Variants in NOLC1 observed in about 807,000 individuals in gnomAD.
The protein encoded by NOLC1 is nucleolar and coiled-body phosphoprotein 1, also known as 140 kDa nucleolar phosphoprotein.
NOLC1 carries 37 observed loss-of-function variants against 73.4 expected under a neutral mutation model. That is an observed-to-expected ratio of 0.50 (90% confidence interval 0.39 to 0.66). NOLC1 has a LOEUF of 0.66. NOLC1 is among the 30% of genes least tolerant of loss of function. The pLI is 0.00. For missense variants in NOLC1, 921 were observed against 838.9 expected, an observed-to-expected ratio of 1.10 and a Z score of -1.21; for synonymous variants, 327 against 302.6, an observed-to-expected ratio of 1.08 and a Z score of -0.84.
rs548669059 is a variant in NOLC1 at position 102,152,641 on chromosome 10, C to T, written c.120+111C>T. ...GTCTGGGGGTCCGCCAGTCCAGTGT[C>T]TGCAAGGCCTTTACGCCGACCCCTC... On this transcript the variant is annotated intron_variant, in intron 1 of 12. Transcript: ENST00000605788. 27 of 1,481,196 alleles carry T rather than the reference C, an allele frequency of 1.8e-5. No individual in the cohort carries two copies. In the South Asian group the frequency reaches 3.1e-4, roughly 17 times the overall value. The allele number at this position is 1,481,196 out of a possible 1,614,324, so 91.8% of individuals were successfully genotyped here. A position where few individuals can be genotyped will look rare whatever the true frequency, so the allele number is the denominator to read the frequency against.
Position 102,157,440 on chromosome 10 carries a change from C to T in NOLC1, c.326C>T (p.Ala109Val), listed in dbSNP as rs768199941. 3.1e-6 allele frequency: 5 copies of T among 1,614,118 alleles called. No homozygotes were observed. Among genetic ancestry groups the T allele is most frequent in the Non-Finnish European group, 4.2e-6 (5 of 1,180,000 alleles). The change falls in exon 4 of 13, where the codon GCC becomes GTC. Residue 109 changes from alanine (A) to valine (V), a missense_variant. Coordinates refer to ENST00000605788, the MANE Select transcript of NOLC1 (RefSeq NM_004741.5). ...CTGTGTGTTTGTTCAGCTGTACCTG[C>T]CAAGCGAGTCGGTCTGCCTCCTGGG... The part of the protein sequence containing the change: ...GPPAKKAAVP[A>V]KRVGLPPGKA...
At chr10:102,159,771 A>T in intron 7 of NOLC1, 125 bp from the exon 8 acceptor site, 2 of 1,112,516 alleles carry the variant, frequency 1.8e-6, no homozygotes, top group Non-Finnish European at 1.3e-6. Flanking sequence ...GTTCTGTTAG[A>T]ACTGAGTCAT....
intron 1 of NOLC1, 32 bp downstream of exon 1, chr10:102,152,562 T>G (rs754641843): frequency 6.2e-7 from 1 of 1,612,226 alleles, no homozygotes; most frequent in African/African-American, 1.3e-5. Context: ...GGGACCGGGC[T>G]GAGATGACCA....
chr10:102,154,833 C>G (rs1203892296), intron 1 of NOLC1, among the ~76,000 whole-genome samples: 1 of 151,734 alleles, frequency 6.6e-6, no homozygotes, highest in Non-Finnish European at 1.5e-5. Flanking sequence ...CTGGCCTGAT[C>G]CTGTACTCTT....
chr10:102,163,251 G>GC lies in NOLC1; in HGVS notation c.*982_*983insC, dbSNP rs2069742729. The GC allele has an allele frequency of 6.6e-6, 1 of 151,396 alleles. No individual in the cohort carries two copies. Among genetic ancestry groups the GC allele is most frequent in the East Asian group, 1.9e-4 (1 of 5,192 alleles). The allele number at this position is 151,396 out of a possible 1,614,324, so 9.4% of individuals were successfully genotyped here. ...GAATCACTGATCAAGAAAGTGGGGG[G>GC]AAAAAAAACAAACGTTAAAACCTCA... On this transcript the variant is annotated 3_prime_UTR_variant, in exon 13 of 13. Transcript: ENST00000605788.
At chr10:102,159,065 C>CAAAAAAAA in intron 5 of NOLC1, 128 bp from the exon 6 acceptor site, 3 of 356,582 alleles carry the variant, frequency 8.4e-6, no homozygotes, top group Non-Finnish European at 1.4e-5. Flanking sequence ...ACTCCGTCTC[C>CAAAAAAAA]AAAAAAAAAA....
chr10:102,155,865 T>C (rs544676256), intron 1 of NOLC1, among the ~76,000 whole-genome samples: 7 of 149,990 alleles, frequency 4.7e-5, no homozygotes, highest in South Asian at 4.2e-4. Flanking sequence ...GTTTCTTTCT[T>C]TTTTTTTTTG....
At chr10:102,156,736 T>TTTTTG (rs1431101503) in intron 1 of NOLC1, among the ~76,000 whole-genome samples, 1 of 152,000 alleles carries the variant, frequency 6.6e-6, no homozygotes, top group Non-Finnish European at 1.5e-5. Context: ...ACTGGCTGAT[T>TTTTTG]TTTTGTTTTG....
In NOLC1 at chr10:102,159,524, G is replaced by A. The variant is rs199902888; in HGVS notation, c.815G>A (p.Ser272Asn). The change falls in exon 7 of 13, where the codon AGT (serine) becomes AAT (asparagine). Residue 272 changes from serine to asparagine, a missense_variant. Physicochemically the swap from Ser to Asn is conservative, Grantham distance 46. Transcript: ENST00000605788. ...AGTTCTAGCAGTGAGGATTCCTCCA[G>A]TGACGAGGAAGAGGAGCAAAAAAAA... ...RKSSSSEDSS[S>N]DEEEEQKKPM... 3.7e-6 allele frequency: 6 copies of A among 1,614,084 alleles called. No individual in the cohort carries two copies. Among genetic ancestry groups the A allele is most frequent in the Non-Finnish European group, 5.1e-6 (6 of 1,180,050 alleles).
In NOLC1 at chr10:102,160,022, C is replaced by A; in HGVS notation, c.986C>A (p.Ser329Tyr). Residue 329 changes from serine (S) to tyrosine (Y), a missense_variant and splice_region_variant, in exon 8 of 13, where the codon TCT becomes TAT. Transcript: ENST00000605788. ...AGCAGTGAAGACAGCAGTGATGAGT[C>A]TGGTGAGTCAGAGGGATGCAGCCTC... ...VESSEDSSDE[S>Y]DSSSEEEKKP... 6.2e-7 allele frequency: 1 copy of A among 1,612,582 alleles called. No homozygotes were observed. Among genetic ancestry groups the A allele is most frequent in the South Asian group, 1.1e-5 (1 of 90,788 alleles).
rs1347723499 is a variant in NOLC1 at position 102,160,774 on chromosome 10, C to G, written c.1422C>G (p.Asp474Glu). Reference sequence around the variant, plus strand: ...GTAGGGACAGCAGCTCTGATTCAGACAGCTCCAGCAGTGAGGAGGAGGAAG... The same window carrying G: ...GTAGGGACAGCAGCTCTGATTCAGAGAGCTCCAGCAGTGAGGAGGAGGAAG... ...QGSRDSSSDS[D>E]SSSSEEEEEK... The change falls in exon 10 of 13, where the codon GAC (aspartate) becomes GAG (glutamate). Residue 474 changes from aspartate to glutamate, a missense_variant. Transcript: ENST00000605788. The G allele has an allele frequency of 1.2e-6, 2 of 1,614,230 alleles. No homozygotes were observed. The highest frequency in any genetic ancestry group is 1.7e-6 in the Non-Finnish European group (2 of 1,180,040).
chr10:102,157,849 G>T (rs760879254), intron 4 of NOLC1, among the ~76,000 whole-genome samples, 200 bp from the exon 5 acceptor site: 1 of 151,966 alleles, frequency 6.6e-6, no homozygotes, highest in Non-Finnish European at 1.5e-5. Flanking sequence ...TTTCCTGGGA[G>T]CTTTGGCAGG....
Position 102,161,908 on chromosome 10 carries a change from A to T in NOLC1, c.1924A>T (p.Asn642Tyr), listed in dbSNP as rs2069716421. 1.2e-6 allele frequency: 2 copies of T among 1,614,014 alleles called. No individual in the cohort carries two copies. Among genetic ancestry groups the T allele is most frequent in the Non-Finnish European group, 1.7e-6 (2 of 1,180,012 alleles). The change falls in exon 12 of 13, where the codon AAC becomes TAC. Residue 642 changes from asparagine to tyrosine, a missense_variant. Physicochemically the swap from Asn to Tyr is moderately radical, Grantham distance 143 (BLOSUM62 -2). Transcript: ENST00000605788. Reference protein sequence around the residue: ...EIEVDSRVADNSFDAKRGAAG... With the variant: ...EIEVDSRVADYSFDAKRGAAG... ...TGAGGTGGATTCACGAGTTGCGGAC[A>T]ACTCCTTTGATGCCAAGGTGAGAGA...
intron 5 of NOLC1, among the ~76,000 whole-genome samples, chr10:102,158,526 A>G (rs1176565815): frequency 2.0e-5 from 3 of 151,984 alleles, no homozygotes; most frequent in Non-Finnish European, 2.9e-5. Flanking sequence ...TTAAATATCT[A>G]TTTGTTGTGC....
rs189113705 is a variant in NOLC1 at position 102,161,743 on chromosome 10, C to T, written c.1848+81C>T. 272 of 1,523,674 alleles carry T rather than the reference C, an allele frequency of 1.8e-4. 2 individuals carry two copies. The East Asian group carries it at 5.2e-3, about 29-fold the overall frequency. The allele number at this position is 1,523,674 out of a possible 1,614,324, so 94.4% of individuals were successfully genotyped here. ...GGATCATCTTGACAGCTCTGCCTGG[C>T]GTGACCTGGTACATGTGCCCATGTG... On this transcript the variant is annotated intron_variant, in intron 11 of 12. Transcript: ENST00000605788.
chr10:102,158,105 C>T lies in NOLC1; in HGVS notation c.498C>T (p.Ser166=), dbSNP rs2069629035. 1 of 1,614,136 alleles carries T rather than the reference C, an allele frequency of 6.2e-7. No homozygotes were observed. The highest frequency in any genetic ancestry group is 8.5e-7 in the Non-Finnish European group (1 of 1,179,982). ...AAGCTCCTCCTAAGAAGGCCAAGAG[C>T]TCTGATTCTGATTCTGACTCAAGCT... ...AAKAPPKKAK[S]SDSDSDSSSE... The change falls in exon 5 of 13, where the codon AGC becomes AGT. Residue 166 remains serine, a synonymous_variant. Transcript: ENST00000605788.
In NOLC1 at chr10:102,162,287, T is replaced by C. The variant is rs368860317; in HGVS notation, c.*18T>C. 6.2e-7 allele frequency: 1 copy of C among 1,612,250 alleles called. No individual in the cohort carries two copies. The highest frequency in any genetic ancestry group is 1.3e-5 in the African/African-American group (1 of 74,976). ...GCGAGTGACCTGAGGCCATCTTCGG[T>C]GAAGCAAGGGTGATGATCGGAGACT... On this transcript the variant is annotated 3_prime_UTR_variant, in exon 13 of 13. Transcript: ENST00000605788.
chr10:102,157,920 C>T (rs1005330656), intron 4 of NOLC1, 129 bp from the exon 5 acceptor site: 6 of 828,524 alleles, frequency 7.2e-6, no homozygotes, highest in South Asian at 1.9e-5. Flanking sequence ...TTGCCCTTTC[C>T]GTATCCTGTC....
chr10:102,160,948 G>C lies in NOLC1; in HGVS notation c.1596G>C (p.Lys532Asn), dbSNP rs763773835. 2.5e-6 allele frequency: 4 copies of C among 1,614,188 alleles called. No individual in the cohort carries two copies. Among genetic ancestry groups the C allele is most frequent in the Non-Finnish European group, 3.4e-6 (4 of 1,180,040 alleles). ...ACTCCAGTGAGGAAGAGGAAGAGAAGCTCAAGGGCAAGGGCTCTCCAAGAC... is the reference window on the plus strand; with the variant it reads ...ACTCCAGTGAGGAAGAGGAAGAGAACCTCAAGGGCAAGGGCTCTCCAAGAC... ...SDDSSEEEEE[K>N]LKGKGSPRPQ... Residue 532 changes from lysine to asparagine, a missense_variant, in exon 10 of 13, where the codon AAG (lysine) becomes AAC (asparagine). Transcript: ENST00000605788.
Sources: allele counts gnomAD v4.1 joint callset (sites outside exome capture counted in the v4.1 genomes callset), GRCh38; gene constraint gnomAD v4.1.1; transcripts MANE v1.5; gene names NCBI Gene and HGNC (gene_info 2026-07-23, HGNC 2026-07-21).